The following LUC7L variants were observed in gnomAD, a reference collection of about 807,000 sequenced individuals.
LUC7L encodes the protein LUC7 like, also known as putative RNA-binding protein Luc7-like 1.
LUC7L carries 29 observed loss-of-function variants against 51.1 expected under a neutral mutation model. The observed-to-expected ratio is 0.57, with a 90% CI of 0.42 to 0.77. The LOEUF (loss-of-function observed/expected upper bound fraction) is 0.77. Ranked by LOEUF, LUC7L falls within the 30% of genes least tolerant of loss-of-function variation. The pLI is 0.00. For synonymous variants in LUC7L, 181 were observed against 180.7 expected (o/e 1.00, Z -0.01); for missense variants, 403 against 511.9 (o/e 0.79, Z 2.05).
At chr16:213,454 T>C (rs1170522391) in intron 3 of LUC7L, among the ~76,000 whole-genome samples, 2 of 152,042 alleles carry the variant, frequency 1.3e-5, no homozygotes, top group African/African-American at 4.8e-5. Context: ...GGCTGGAGTG[T>C]AGAGGCAACA....
rs141858135 is a variant in LUC7L, at chr16:199,585, A to G, written c.511-347T>C. Among the ~76,000 whole-genome samples the G allele has an allele frequency of 7.5e-3, 1,137 of 151,870 alleles. 16 individuals are homozygous for G. The highest frequency in any genetic ancestry group is 0.026 in the African/African-American group (1,088 of 41,428). ...TCCGGAGTTCAAGATCAGCCTGACC[A>G]ACATGGAGAAACCCCATCTCTATTA... On this transcript the variant is annotated intron_variant, in intron 5 of 9. Transcript: ENST00000293872.
intron 1 of LUC7L, 74 bp downstream of exon 1, chr16:229,205 C>G: frequency 6.6e-7 from 1 of 1,505,350 alleles, no homozygotes; most frequent in African/African-American, 1.4e-5. Context: ...GATCGCGGCC[C>G]CCGCCTCAGG....
At chr16:218,374 C>A (rs1310671345) in intron 3 of LUC7L, among the ~76,000 whole-genome samples, 3 of 152,120 alleles carry the variant, frequency 2.0e-5, no homozygotes, top group Non-Finnish European at 4.4e-5. Context: ...TCTGGTCATA[C>A]TAGCGATGGG....
At chr16:206,579 C>T (rs2049489117) in intron 4 of LUC7L, among the ~76,000 whole-genome samples, 1 of 151,936 alleles carries the variant, frequency 6.6e-6, no homozygotes, top group South Asian at 2.1e-4. Context: ...TTTTACAACA[C>T]TGAAAAGAAA....
intron 3 of LUC7L, among the ~76,000 whole-genome samples, chr16:212,319 G>A (rs909442053): frequency 2.0e-5 from 3 of 150,410 alleles, no homozygotes; most frequent in Non-Finnish European, 2.9e-5. Context: ...AGAGGAGCTC[G>A]TCGGGTCTCC....
rs1409778596 is a variant in LUC7L, at chr16:189,133, T to C, written c.*65A>G. ...CAAAAGATGAGTTGTATTCAGCAAA[T>C]ATAAAGGGTAATTTTAGACTGTGTG... On this transcript the variant is annotated 3_prime_UTR_variant, in exon 10 of 10. Transcript: ENST00000293872. The C allele has an allele frequency of 1.3e-6, 2 of 1,486,810 alleles. No homozygotes were observed. The highest frequency in any genetic ancestry group is 9.1e-7 in the Non-Finnish European group (1 of 1,093,904). The allele number at this position is 1,486,810 out of a possible 1,614,324, so 92.1% of individuals were successfully genotyped here.
chr16:191,516 T>C (rs1310747888), intron 7 of LUC7L, among the ~76,000 whole-genome samples: 1 of 152,218 alleles, frequency 6.6e-6, no homozygotes, highest in Non-Finnish European at 1.5e-5. Flanking sequence ...TCTTCTATAC[T>C]GTTTAAGTTT....
chr16:202,499 C>T (rs752877688), intron 5 of LUC7L, among the ~76,000 whole-genome samples: 13 of 152,066 alleles, frequency 8.5e-5, no homozygotes, highest in Middle Eastern at 6.3e-3. Flanking sequence ...TCTATGTTTA[C>T]GTACACAAAT....
intron 1 of LUC7L, chr16:228,296 T>C (rs1264783013): frequency 4.6e-6 from 6 of 1,303,296 alleles, no homozygotes; most frequent in Non-Finnish European, 6.1e-6. Context: ...GCAAACACTT[T>C]TTTGTTATAA....
chr16:194,609 C>T (rs974995280), intron 6 of LUC7L, among the ~76,000 whole-genome samples: 1 of 152,178 alleles, frequency 6.6e-6, no homozygotes, highest in Non-Finnish European at 1.5e-5. Flanking sequence ...AGCAGCCCAA[C>T]CTCAGGGTGC....
intron 9 of LUC7L, 74 bp downstream of exon 9, chr16:189,894 C>T: frequency 6.4e-7 from 1 of 1,552,750 alleles, no homozygotes; most frequent in Non-Finnish European, 8.7e-7. Flanking sequence ...CCAGACACGG[C>T]CCTCAGCAGA....
At chr16:221,761 T>C (rs74003707) in intron 2 of LUC7L, among the ~76,000 whole-genome samples, 2 of 152,162 alleles carry the variant, frequency 1.3e-5, no homozygotes, top group African/African-American at 2.4e-5. Context: ...AACAAATTTC[T>C]AGGCATTGTC....
intron 3 of LUC7L, among the ~76,000 whole-genome samples, chr16:219,841 C>T (rs2049915659): frequency 6.6e-6 from 1 of 151,778 alleles, no homozygotes; most frequent in Non-Finnish European, 1.5e-5. Flanking sequence ...TGCTCTCCAG[C>T]CTGAGCAACA....
At chr16:193,072 T>C in intron 6 of LUC7L, 57 bp from the exon 7 acceptor site, 3 of 1,357,444 alleles carry the variant, frequency 2.2e-6, no homozygotes, top group Non-Finnish European at 3.1e-6. Context: ...AGAGTGTGAA[T>C]GCTACTTAAC....
At chr16:220,810 C>G (rs1344310695) in intron 2 of LUC7L, 63 bp from the exon 3 acceptor site, 1 of 1,039,482 alleles carries the variant, frequency 9.6e-7, no homozygotes, top group Non-Finnish European at 1.5e-6. Context: ...GCACACAACG[C>G]GACTTGGTGT....
intron 3 of LUC7L, among the ~76,000 whole-genome samples, chr16:210,226 G>A (rs1440032666): frequency 6.6e-6 from 1 of 152,154 alleles, no homozygotes; most frequent in Non-Finnish European, 1.5e-5. Flanking sequence ...AGCAGAGGTT[G>A]CAGTGAACTG....
intron 2 of LUC7L, among the ~76,000 whole-genome samples, chr16:224,813 CAG>C (rs2050082171): frequency 6.6e-6 from 1 of 151,640 alleles, no homozygotes; most frequent in African/African-American, 2.4e-5. Context: ...GCCTAGGCAA[CAG>C]AGTGAGACTC....
intron 3 of LUC7L, among the ~76,000 whole-genome samples, chr16:210,677 A>G (rs544155411): frequency 4.6e-5 from 7 of 152,332 alleles, no homozygotes; most frequent in East Asian, 1.9e-4. Flanking sequence ...AACTCTCCCA[A>G]TACCTAAACC....
At position 225,805 on chromosome 16, in the gene LUC7L, A is replaced by AAAAAG. The variant is rs540354022; in HGVS notation, c.156+1432_156+1436dup. Among the ~76,000 whole-genome samples, 1,236 of 150,002 alleles carry AAAAAG rather than the reference A, an allele frequency of 8.2e-3. 19 individuals are homozygous for AAAAAG. Among genetic ancestry groups the AAAAAG allele is most frequent in the African/African-American group, 0.028 (1,144 of 41,300 alleles). The stretch of plus-strand genomic sequence containing the variant: ...CAGCCTGAAATTCTGTCTCAAAAAA[A>AAAAAG]AAAAGAAAAGAAAAGAAAAGAAAAG... On this transcript the variant is annotated intron_variant, in intron 2 of 9. Transcript: ENST00000293872.
Sources: allele counts gnomAD v4.1 joint callset (sites outside exome capture counted in the v4.1 genomes callset), GRCh38; gene constraint gnomAD v4.1.1; transcripts MANE v1.5; gene names NCBI Gene and HGNC (gene_info 2026-07-23, HGNC 2026-07-21).